CDH12: variants seen among roughly 807,000 people sequenced by gnomAD.
CDH12 encodes cadherin-12.
A neutral mutation model predicts 74.1 loss-of-function variants in CDH12; 41 were observed. The observed-to-expected ratio is 0.55, with a 90% CI of 0.43 to 0.72. The LOEUF (loss-of-function observed/expected upper bound fraction) is 0.72. Ranked by LOEUF, CDH12 falls within the 30% of genes least tolerant of loss-of-function variation. The pLI is 0.00. For missense variants in CDH12, 945 were observed against 977.2 expected, an observed-to-expected ratio of 0.97 and a Z score of 0.44; for synonymous variants, 399 against 355.0, an observed-to-expected ratio of 1.12 and a Z score of -1.39.
intron 3 of CDH12, among the ~76,000 whole-genome samples, chr5:22,326,329 G>A (rs946791900): frequency 4.0e-5 from 6 of 151,794 alleles, no homozygotes; most frequent in African/African-American, 1.5e-4. Flanking sequence ...CCGCCCCCCG[G>A]GGTTCACGCC....
chr5:22,003,814 C>T (rs1430256508), intron 5 of CDH12, among the ~76,000 whole-genome samples: 1 of 126,784 alleles, frequency 7.9e-6, no homozygotes, highest in Admixed American at 8.5e-5. Context: ...TCAGCAGGCC[C>T]CCGCTTCCAC....
chr5:22,423,965 T>A (rs1214616827), intron 2 of CDH12, among the ~76,000 whole-genome samples: 1 of 118,302 alleles, frequency 8.5e-6, no homozygotes, highest in Non-Finnish European at 1.6e-5. Flanking sequence ...ATCCCGCCAC[T>A]GCACTCCAGC....
intron 4 of CDH12, 41 bp downstream of exon 4, chr5:22,212,457 A>G: frequency 1.5e-6 from 1 of 650,148 alleles, no homozygotes; most frequent in Non-Finnish European, 1.9e-6. Context: ...TCAATGCAGA[A>G]ATTCAGTGCC....
chr5:22,466,964 T>C (rs1267814628), intron 2 of CDH12, among the ~76,000 whole-genome samples: 4 of 151,174 alleles, frequency 2.6e-5, no homozygotes, highest in African/African-American at 9.7e-5. Flanking sequence ...AATTTTTGTA[T>C]TTTTAGTAGA....
intron 1 of CDH12, among the ~76,000 whole-genome samples, chr5:22,513,226 A>G (rs569752460): frequency 1.3e-5 from 2 of 152,308 alleles, no homozygotes; most frequent in African/African-American, 4.8e-5. Context: ...AAGCAACCAC[A>G]CTGTGAGGTC....
At chr5:22,607,433 C>T (rs1737174752) in intron 1 of CDH12, among the ~76,000 whole-genome samples, 1 of 152,114 alleles carries the variant, frequency 6.6e-6, no homozygotes, top group South Asian at 2.1e-4. Context: ...TGGCAAGAGG[C>T]AAAAGGCACT....
chr5:22,081,200 CTG>C (rs1199219435), intron 4 of CDH12, among the ~76,000 whole-genome samples: 1 of 152,134 alleles, frequency 6.6e-6, no homozygotes, highest in African/African-American at 2.4e-5. Context: ...GAATCACAAA[CTG>C]TGATTTCTAT....
At chr5:22,437,567 A>AAATAAATAAATG (rs1186809619) in intron 2 of CDH12, among the ~76,000 whole-genome samples, 2 of 151,546 alleles carry the variant, frequency 1.3e-5, no homozygotes, top group Non-Finnish European at 2.9e-5. Flanking sequence ...ATAAATAAAT[A>AAATAAATAAATG]AATAAAAATA....
At chr5:21,872,910 T>TATCTATCTATCTATCTATCG (rs1015832623) in intron 6 of CDH12, among the ~76,000 whole-genome samples, 1 of 151,934 alleles carries the variant, frequency 6.6e-6, no homozygotes, top group African/African-American at 2.4e-5. Flanking sequence ...TCTATCTATC[T>TATCTATCTATCTATCTATCG]ATCTATCTAT....
chr5:22,421,876 C>T (rs1372464221), intron 2 of CDH12, among the ~76,000 whole-genome samples: 2 of 152,178 alleles, frequency 1.3e-5, no homozygotes, highest in African/African-American at 4.8e-5. Flanking sequence ...TAATGATCAC[C>T]ATTCTAACTG....
At chr5:22,090,234 C>T (rs1392670567) in intron 4 of CDH12, among the ~76,000 whole-genome samples, 1 of 151,536 alleles carries the variant, frequency 6.6e-6, no homozygotes, top group Non-Finnish European at 1.5e-5. Flanking sequence ...AAAAAACGTA[C>T]TATAACAAAT....
intron 1 of CDH12, among the ~76,000 whole-genome samples, chr5:22,637,783 C>T (rs931206697): frequency 1.3e-5 from 2 of 152,100 alleles, no homozygotes; most frequent in Non-Finnish European, 1.5e-5. Flanking sequence ...AAAATTTATT[C>T]CTCTTTGGTC....
At chr5:22,358,908 A>T (rs1335559459) in intron 3 of CDH12, among the ~76,000 whole-genome samples, 1 of 152,212 alleles carries the variant, frequency 6.6e-6, no homozygotes, top group African/African-American at 2.4e-5. Flanking sequence ...ACTATTATTC[A>T]CAACAAAATT....
chr5:21,789,381 G>A (rs906387761), intron 10 of CDH12, among the ~76,000 whole-genome samples: 6 of 152,174 alleles, frequency 3.9e-5, no homozygotes, highest in Middle Eastern at 3.4e-3. Flanking sequence ...GAGTGGGAGC[G>A]GGGAGCAGGT....
chr5:22,594,009 C>T (rs1736475124), intron 1 of CDH12, among the ~76,000 whole-genome samples: 1 of 152,082 alleles, frequency 6.6e-6, no homozygotes, highest in African/African-American at 2.4e-5. Context: ...TTGAATTGGC[C>T]AGGTCTGAGA....
intron 1 of CDH12, among the ~76,000 whole-genome samples, chr5:22,702,248 C>T (rs2126960997): frequency 6.6e-6 from 1 of 152,266 alleles, no homozygotes; most frequent in East Asian, 1.9e-4. Flanking sequence ...AGACTCCCAG[C>T]TCCATTCCTT....
chr5:22,821,659 G>A (rs1749706371), intron 1 of CDH12, among the ~76,000 whole-genome samples: 1 of 151,830 alleles, frequency 6.6e-6, no homozygotes, highest in African/African-American at 2.4e-5. Context: ...AAATACCTAG[G>A]AATCCAACTT....
chr5:22,244,201 T>C lies in CDH12; in HGVS notation c.-332-31558A>G, dbSNP rs1308054022. Among the ~76,000 whole-genome samples, 7 of 151,982 alleles carry C rather than the reference T, an allele frequency of 4.6e-5. No homozygotes were observed. In the East Asian group the frequency reaches 1.2e-3, roughly 25 times the overall value. ...TGCTAACAAACCATAGAAAATAATC[T>C]ATAGCAGGCCAGGTGCAGTGGCTCA... is the stretch of plus-strand genomic sequence containing the variant. On this transcript the variant is annotated intron_variant, in intron 3 of 14. Coordinates refer to ENST00000382254, the MANE Select transcript of CDH12 (RefSeq NM_004061.5).
rs527673945 is a variant in CDH12, at chr5:22,351,962, T to C, written c.-333+53295A>G. 3.9e-5 allele frequency among the ~76,000 whole-genome samples: 6 copies of C among 152,310 alleles called. No individual in the cohort carries two copies. In the South Asian group the frequency reaches 1.2e-3, roughly 32 times the overall value. ...TTTGAAAGTAAAGCAGTTAAATCTT[T>C]GAGGAAACAGAATAAATTTTATCTC... is the stretch of plus-strand genomic sequence containing the variant. On this transcript the variant is annotated intron_variant, in intron 3 of 14. Transcript: ENST00000382254.
Sources: gnomAD v4.1 joint callset for allele counts (sites outside exome capture counted in the v4.1 genomes callset) on GRCh38, gnomAD v4.1.1 for gene constraint, MANE v1.5 for transcripts, NCBI Gene and HGNC (gene_info 2026-07-23, HGNC 2026-07-21) for gene names.